Variants in CDH4 observed in about 807,000 individuals in gnomAD.
CDH4 encodes cadherin-4.
CDH4 carries 33 observed loss-of-function variants against 86.0 expected under a neutral mutation model. The observed-to-expected ratio is 0.38, with a 90% confidence interval of 0.29 to 0.51. The LOEUF is 0.51. Ranked by LOEUF, CDH4 falls within the 20% of genes least tolerant of loss-of-function variation. The pLI, the probability that CDH4 is intolerant of heterozygous loss-of-function variation, is 0.86. For missense variants in CDH4, 1,114 were observed against 1,307.4 expected (o/e 0.85, Z 2.28); for synonymous variants, 555 against 549.4 (o/e 1.01, Z -0.14).
chr20:61,668,894 C>T (rs879765), intron 2 of CDH4, among the ~76,000 whole-genome samples: 15,606 of 152,286 alleles, frequency 0.1, 932 homozygotes, highest in Admixed American at 0.15. Context: ...GGGTGCCTTC[C>T]ACCAGCACCC....
chr20:61,379,207 G>C (rs2084887242), intron 2 of CDH4, among the ~76,000 whole-genome samples: 1 of 152,070 alleles, frequency 6.6e-6, no homozygotes, highest in Non-Finnish European at 1.5e-5. Context: ...TCCATTCCAA[G>C]ATCTGCTCCT....
intron 2 of CDH4, among the ~76,000 whole-genome samples, chr20:61,743,355 C>A (rs1600937848): frequency 6.6e-6 from 1 of 152,344 alleles, no homozygotes; most frequent in East Asian, 1.9e-4. Context: ...TGTTGCTTTT[C>A]TTCCCCCCCT....
At position 61,269,404 on chromosome 20, in the gene CDH4, A is replaced by G. The variant is rs2084172552; in HGVS notation, c.169+14467A>G. Among the ~76,000 whole-genome samples, 1 of 151,942 alleles carries G rather than the reference A, an allele frequency of 6.6e-6. No individual in the cohort carries two copies. Among genetic ancestry groups the G allele is most frequent in the Non-Finnish European group, 1.5e-5 (1 of 68,010 alleles). On this transcript the variant is annotated intron_variant, in intron 2 of 15. Coordinates refer to ENST00000614565, the MANE Select transcript of CDH4 (RefSeq NM_001794.5). This position sits in a 1 kb window ranked among gnomAD's most constrained non-coding sequence, Gnocchi z 5.3. ...TGGAGAGTCCACATTTCTAATCCTT[A>G]GCCATCAGCTCTGTGACACTGGACC... is the stretch of plus-strand genomic sequence containing the variant.
rs1255350540 is a variant in CDH4, at chr20:61,623,982, G to A, written c.170-119581G>A. ...AGGAAAGACACGGTTCCTAGAGCGA[G>A]GAACAGTGCATCCACCATCAGATGC... On this transcript the variant is annotated intron_variant, in intron 2 of 15. Transcript: ENST00000614565. The surrounding 1 kb of genome is among the most constrained non-coding windows in gnomAD (Gnocchi z 4.4). Among the ~76,000 whole-genome samples, 1 of 152,158 alleles carries A rather than the reference G, an allele frequency of 6.6e-6. No individual in the cohort carries two copies.
intron 2 of CDH4, among the ~76,000 whole-genome samples, chr20:61,603,980 C>G (rs1341585053): frequency 6.6e-6 from 1 of 152,150 alleles, no homozygotes; most frequent in Non-Finnish European, 1.5e-5. Context: ...GGGACATACG[C>G]TGATGCACAC....
intron 8 of CDH4, among the ~76,000 whole-genome samples, chr20:61,904,863 G>A (rs963256040): frequency 6.6e-6 from 1 of 152,200 alleles, no homozygotes; most frequent in Non-Finnish European, 1.5e-5. Flanking sequence ...TGGCCCTCTC[G>A]GCCCTGACCG....
At chr20:61,537,319 T>A (rs1027015149) in intron 2 of CDH4, among the ~76,000 whole-genome samples, 1 of 152,168 alleles carries the variant, frequency 6.6e-6, no homozygotes, top group African/African-American at 2.4e-5. Context: ...TTTTCTCTCC[T>A]CAGTAGCCAT....
At chr20:61,886,699 G>A (rs1292242425) in intron 7 of CDH4, among the ~76,000 whole-genome samples, 2 of 152,190 alleles carry the variant, frequency 1.3e-5, no homozygotes, top group Non-Finnish European at 2.9e-5. Flanking sequence ...TGAGGGCTGG[G>A]AGACACTTGC....
chr20:61,635,226 C>G (rs1322153302), intron 2 of CDH4, among the ~76,000 whole-genome samples: 1 of 152,216 alleles, frequency 6.6e-6, no homozygotes, highest in Non-Finnish European at 1.5e-5. Flanking sequence ...CTGTTTTCCA[C>G]AGGGGCCTCA....
intron 2 of CDH4, among the ~76,000 whole-genome samples, chr20:61,649,192 C>A (rs554518037): frequency 6.6e-6 from 1 of 152,190 alleles, no homozygotes; most frequent in Non-Finnish European, 1.5e-5. Flanking sequence ...TCTATGGCTG[C>A]CAGATTCCAA....
At chr20:61,779,124 T>C (rs1978396360) in intron 4 of CDH4, among the ~76,000 whole-genome samples, 1 of 152,166 alleles carries the variant, frequency 6.6e-6, no homozygotes, top group Admixed American at 6.5e-5. Context: ...AGATTCAGAA[T>C]GAGGATAAAA....
intron 2 of CDH4, among the ~76,000 whole-genome samples, chr20:61,288,414 C>T (rs774250851): frequency 8.5e-5 from 13 of 152,186 alleles, no homozygotes; most frequent in African/African-American, 1.4e-4. Context: ...ACCCTTTGTC[C>T]GCACTTAGGC....
At chr20:61,838,843 GAAAGAA>G (rs1982002247) in intron 4 of CDH4, among the ~76,000 whole-genome samples, 2 of 96,996 alleles carry the variant, frequency 2.1e-5, no homozygotes, top group East Asian at 3.1e-4. Context: ...AAAAAAGAAA[GAAAGAA>G]AAGGAAAAGG....
intron 2 of CDH4, among the ~76,000 whole-genome samples, chr20:61,554,957 G>C (rs2086165663): frequency 6.6e-6 from 1 of 152,244 alleles, no homozygotes. Context: ...ATGTATTTAG[G>C]TGTGCAAGTG....
At chr20:61,291,679 G>A (rs980264302) in intron 2 of CDH4, among the ~76,000 whole-genome samples, 23 of 24,246 alleles carry the variant, frequency 9.5e-4, no homozygotes, top group Admixed American at 2.9e-3. Context: ...CAGGTTACCG[G>A]GGGTTTCCAG....
At chr20:61,446,989 G>A (rs944343432) in intron 2 of CDH4, among the ~76,000 whole-genome samples, 1 of 152,092 alleles carries the variant, frequency 6.6e-6, no homozygotes, top group Non-Finnish European at 1.5e-5. Context: ...GATTTTGTGT[G>A]TGTTTATTTT....
Position 61,572,406 on chromosome 20 carries a change from ATG to A in CDH4, c.170-171155_170-171154del, listed in dbSNP as rs2086348300. On this transcript the variant is annotated intron_variant, in intron 2 of 15. Transcript: ENST00000614565. ...GGAGACGCAAGGGAAGGGACAGAGGATGTTTGCCTGGATTCAAAGAAGGGCTG... is the reference window on the plus strand; with the variant it reads ...GGAGACGCAAGGGAAGGGACAGAGGATTTGCCTGGATTCAAAGAAGGGCTG... 3.3e-5 allele frequency among the ~76,000 whole-genome samples: 5 copies of A among 152,198 alleles called. No homozygotes were observed. The South Asian group carries it at 8.3e-4, about 25-fold the overall frequency.
At position 61,808,075 on chromosome 20, in the gene CDH4, G is replaced by A. The variant is rs59282699; in HGVS notation, c.576+34893G>A. 5.3e-3 allele frequency among the ~76,000 whole-genome samples: 813 copies of A among 152,206 alleles called. 6 individuals are homozygous for A. The highest frequency in any genetic ancestry group is 0.018 in the African/African-American group (765 of 41,546). ...TGAGACCAGCAAGTGTGGTCAGCAT[G>A]CCCCTGCCACACAGAAGCAGCATGG... On this transcript the variant is annotated intron_variant, in intron 4 of 15. Coordinates refer to ENST00000614565, the MANE Select transcript of CDH4 (RefSeq NM_001794.5).
intron 2 of CDH4, among the ~76,000 whole-genome samples, chr20:61,407,868 C>T (rs1487587593): frequency 6.6e-6 from 1 of 152,184 alleles, no homozygotes; most frequent in Non-Finnish European, 1.5e-5. Context: ...GGGAGACACA[C>T]TGTGTGATGC....
Sources: gnomAD v4.1 joint callset for allele counts (sites outside exome capture counted in the v4.1 genomes callset) on GRCh38, gnomAD v4.1.1 for gene constraint, Gnocchi (gnomAD v3.1) non-coding constraint, MANE v1.5 for transcripts, NCBI Gene and HGNC (gene_info 2026-07-23, HGNC 2026-07-21) for gene names.